Variants in LIN7A observed in about 807,000 individuals in gnomAD.
LIN7A encodes the protein lin-7 cell polarity scaffold A.
Under a neutral mutation model 29.8 loss-of-function variants are expected in LIN7A, and 25 were observed. That is an observed-to-expected ratio of 0.84 (90% CI 0.61 to 1.17). The LOEUF (loss-of-function observed/expected upper bound fraction) is 1.17, where lower values mean the gene tolerates loss of function less well. Ranked by LOEUF, LIN7A falls within the 50% of genes most tolerant of loss-of-function variation. The probability of loss-of-function intolerance (pLI) is 0.00; values close to 1 mark genes in which losing one functional copy is unlikely to be tolerated. For synonymous variants in LIN7A, 118 were observed against 107.5 expected, an observed-to-expected ratio of 1.10 and a Z score of -0.60; for missense variants, 239 against 287.0, an observed-to-expected ratio of 0.83 and a Z score of 1.21.
At chr12:80,924,281 G>A (rs1877463218) in intron 1 of LIN7A, among the ~76,000 whole-genome samples, 1 of 152,206 alleles carries the variant, frequency 6.6e-6, no homozygotes, top group Non-Finnish European at 1.5e-5. Context: ...GGAGAGGGTA[G>A]CAATATTCAA....
intron 1 of LIN7A, among the ~76,000 whole-genome samples, chr12:80,925,063 CTA>C (rs1222657433): frequency 2.5e-4 from 38 of 152,252 alleles, no homozygotes; most frequent in African/African-American, 8.7e-4. Flanking sequence ...CCCTCTAAAA[CTA>C]TGCAATATTT....
chr12:80,889,550 C>T (rs1341878165), intron 1 of LIN7A, among the ~76,000 whole-genome samples, 181 bp from the exon 2 acceptor site: 5 of 152,080 alleles, frequency 3.3e-5, no homozygotes, highest in Admixed American at 2.0e-4. Context: ...TTAATTTGTT[C>T]CACACATCTG....
intron 1 of LIN7A, among the ~76,000 whole-genome samples, chr12:80,895,397 G>A (rs1334358982): frequency 6.6e-6 from 1 of 152,122 alleles, no homozygotes; most frequent in Admixed American, 6.6e-5. Flanking sequence ...TCATGAACTC[G>A]ATTGACATTT....
chr12:80,891,047 A>G (rs1440781594), intron 1 of LIN7A, among the ~76,000 whole-genome samples: 1 of 152,084 alleles, frequency 6.6e-6, no homozygotes, highest in Non-Finnish European at 1.5e-5. Flanking sequence ...CATCCTCTCA[A>G]GCAAAACTAT....
chr12:80,936,486 T>C (rs11614433), intron 1 of LIN7A: 6,322 of 152,268 alleles, frequency 0.042, 157 homozygotes, highest in Middle Eastern at 0.082. Flanking sequence ...AAGAAAATTT[T>C]TAGAGGTACA....
At chr12:80,886,616 T>C (rs1029074150) in intron 2 of LIN7A, among the ~76,000 whole-genome samples, 1 of 152,190 alleles carries the variant, frequency 6.6e-6, no homozygotes, top group East Asian at 1.9e-4. Flanking sequence ...AAATTATTAC[T>C]AAGGACTTTA....
In LIN7A at chr12:80,807,077, T is replaced by TTTTTTTTTGTTTTG. The variant is rs1555221363; in HGVS notation, c.*4387_*4388insCAAAACAAAAAAAA. 9.2e-3 allele frequency among the ~76,000 whole-genome samples: 1,059 copies of TTTTTTTTTGTTTTG among 115,554 alleles called. 45 individuals are homozygous for TTTTTTTTTGTTTTG. The highest frequency in any genetic ancestry group is 0.014 in the South Asian group (46 of 3,360). 75.8% of individuals were successfully genotyped at this position (115,554 alleles called of 152,430 possible). A position where few individuals can be genotyped will look rare whatever the true frequency, so the allele number is the denominator to read the frequency against. On this transcript the variant is annotated intron_variant, in intron 5 of 5. Transcript: ENST00000552864. ...ATGAAGATGGAGTTTTTTTTTTTTT[T>TTTTTTTTTGTTTTG]TTTTTTTTTTTTTTGACGGAGTCTC...
chr12:80,925,047 G>A (rs1469929740), intron 1 of LIN7A, among the ~76,000 whole-genome samples: 1 of 152,040 alleles, frequency 6.6e-6, no homozygotes, highest in Non-Finnish European at 1.5e-5. Flanking sequence ...CATTTACCTA[G>A]TTTTACCCTC....
chr12:80,890,352 T>G (rs539889576), intron 1 of LIN7A, among the ~76,000 whole-genome samples: 1 of 152,218 alleles, frequency 6.6e-6, no homozygotes, highest in South Asian at 2.1e-4. Context: ...AGTGCCTAGC[T>G]CCAGAAAGCA....
chr12:80,867,671 A>G (rs1296276639), intron 2 of LIN7A, among the ~76,000 whole-genome samples: 1 of 152,232 alleles, frequency 6.6e-6, no homozygotes, highest in Non-Finnish European at 1.5e-5. Flanking sequence ...ATAATGAGAC[A>G]TCATGAAGAT....
chr12:80,890,366 C>G (rs1685450212), intron 1 of LIN7A, among the ~76,000 whole-genome samples: 2 of 152,068 alleles, frequency 1.3e-5, no homozygotes, highest in Non-Finnish European at 2.9e-5. Context: ...GAAAGCATCC[C>G]ACATCCCTGC....
chr12:80,911,128 A>G (rs1483227374), intron 1 of LIN7A, among the ~76,000 whole-genome samples: 1 of 152,128 alleles, frequency 6.6e-6, no homozygotes, highest in Non-Finnish European at 1.5e-5. Context: ...TATTTTGGGG[A>G]AAGTTTGCCT....
chr12:80,900,538 A>T (rs1203558723), intron 1 of LIN7A, among the ~76,000 whole-genome samples: 1 of 152,152 alleles, frequency 6.6e-6, no homozygotes, highest in Non-Finnish European at 1.5e-5. Flanking sequence ...GTCATTCAGG[A>T]GCAGGTTAAT....
At chr12:80,807,066 T>TTTTTTTGTTTTTTTTTTTTGTTGTTG (rs1218785301) in intron 5 of LIN7A, among the ~76,000 whole-genome samples, 1 of 50,140 alleles carries the variant, frequency 2.0e-5, no homozygotes, top group African/African-American at 8.5e-5. Context: ...AGATGGAGTT[T>TTTTTTTGTTTTTTTTTTTTGTTGTTG]TTTTTTTTTT....
intron 1 of LIN7A, among the ~76,000 whole-genome samples, chr12:80,916,532 T>C (rs1295592381): frequency 6.6e-6 from 1 of 152,200 alleles, no homozygotes; most frequent in Non-Finnish European, 1.5e-5. Context: ...CCTGCTTGTT[T>C]GCCCCTTGTC....
chr12:80,922,038 A>G (rs1162798731), intron 1 of LIN7A, among the ~76,000 whole-genome samples: 3 of 152,216 alleles, frequency 2.0e-5, no homozygotes, highest in Non-Finnish European at 4.4e-5. Context: ...CAAAAAGCCC[A>G]TTTGCTAGAA....
At chr12:80,836,543 C>A (rs1379186985) in intron 4 of LIN7A, among the ~76,000 whole-genome samples, 1 of 151,674 alleles carries the variant, frequency 6.6e-6, no homozygotes. Flanking sequence ...GTGGTCCCAG[C>A]CACTCAGGAG....
chr12:80,852,594 A>G (rs1406867800), intron 2 of LIN7A, among the ~76,000 whole-genome samples: 3 of 152,094 alleles, frequency 2.0e-5, no homozygotes, highest in Non-Finnish European at 4.4e-5. Flanking sequence ...TATTATTACT[A>G]TTATATATAT....
chr12:80,876,467 C>A, intron 2 of LIN7A, among the ~76,000 whole-genome samples: 1 of 152,038 alleles, frequency 6.6e-6, no homozygotes, highest in East Asian at 1.9e-4. Context: ...ATGAAAGATA[C>A]CTTGAAGACA....
Sources: allele counts gnomAD v4.1 joint callset (sites outside exome capture counted in the v4.1 genomes callset), GRCh38; gene constraint gnomAD v4.1.1; transcripts MANE v1.5; gene names NCBI Gene and HGNC (gene_info 2026-07-23, HGNC 2026-07-21).